The following B4GALT5 variants were observed in gnomAD, a reference collection of about 807,000 sequenced individuals.
The protein encoded by B4GALT5 is UDP-Gal:beta-GlcNAc beta-1,4-galactosyltransferase 5.
B4GALT5 carries 11 observed loss-of-function variants against 45.0 expected under a neutral mutation model. The observed-to-expected ratio is 0.24, with a 90% CI of 0.15 to 0.40. B4GALT5 has a LOEUF of 0.40. B4GALT5 is among the 10% of genes least tolerant of loss of function. The probability of loss-of-function intolerance (pLI) is 1.00; values close to 1 mark genes in which losing one functional copy is unlikely to be tolerated. For missense variants in B4GALT5, 337 were observed against 500.2 expected (o/e 0.67, Z 3.11); for synonymous variants, 185 against 182.9 (o/e 1.01, Z -0.09).
At chr20:49,706,657 G>A (rs1168527729) in intron 1 of B4GALT5, among the ~76,000 whole-genome samples, 2 of 152,156 alleles carry the variant, frequency 1.3e-5, no homozygotes, top group African/African-American at 4.8e-5. Context: ...ACTAGAAAGT[G>A]AAGAACAACT....
In B4GALT5 at chr20:49,637,332, TCCA is replaced by T; in HGVS notation, c.1019+6_1019+8del. On this transcript the variant is annotated splice_donor_region_variant and intron_variant, in intron 8 of 8. Coordinates refer to ENST00000371711, the MANE Select transcript of B4GALT5 (RefSeq NM_004776.4). ...ATACTTCTAAGAGACAGAGATAAAT[TCCA>T]CCAACCTTCCAAGAAACTGGACTTC... 6.2e-7 allele frequency: 1 copy of T among 1,607,790 alleles called. No individual in the cohort carries two copies. Among genetic ancestry groups the T allele is most frequent in the Non-Finnish European group, 8.5e-7 (1 of 1,174,234 alleles).
chr20:49,686,933 T>G (rs1246139087), intron 1 of B4GALT5, among the ~76,000 whole-genome samples: 1 of 152,062 alleles, frequency 6.6e-6, no homozygotes, highest in Non-Finnish European at 1.5e-5. Flanking sequence ...AGCTGGCATA[T>G]AGTCCAATGG....
intron 1 of B4GALT5, among the ~76,000 whole-genome samples, chr20:49,705,194 T>C (rs2085878964): frequency 1.3e-5 from 2 of 152,002 alleles, no homozygotes; most frequent in South Asian, 4.1e-4. Flanking sequence ...ACCTAGAGGA[T>C]TGAGGTAATG....
chr20:49,686,596 A>G (rs1173398906), intron 1 of B4GALT5, among the ~76,000 whole-genome samples: 2 of 152,076 alleles, frequency 1.3e-5, no homozygotes, highest in Non-Finnish European at 2.9e-5. Flanking sequence ...TCAGTAAAAA[A>G]TGAAGCTGGG....
chr20:49,665,584 C>A (rs1329232966), intron 1 of B4GALT5, among the ~76,000 whole-genome samples: 1 of 151,110 alleles, frequency 6.6e-6, no homozygotes, highest in Non-Finnish European at 1.5e-5. Flanking sequence ...GTAATTCAGA[C>A]ATACATTCAT....
intron 1 of B4GALT5, among the ~76,000 whole-genome samples, chr20:49,676,534 A>G (rs1278405108): frequency 6.6e-6 from 1 of 152,244 alleles, no homozygotes; most frequent in African/African-American, 2.4e-5. Flanking sequence ...ATTAAAAATA[A>G]AGAGAGGTAT....
intron 2 of B4GALT5, among the ~76,000 whole-genome samples, chr20:49,653,775 T>C (rs1568719207): frequency 6.6e-6 from 1 of 152,216 alleles, no homozygotes; most frequent in African/African-American, 2.4e-5. Flanking sequence ...AAAAAATAGA[T>C]TGTTCTAACC....
At chr20:49,686,060 TATTAAC>T (rs1238996617) in intron 1 of B4GALT5, among the ~76,000 whole-genome samples, 1 of 152,192 alleles carries the variant, frequency 6.6e-6, no homozygotes, top group East Asian at 1.9e-4. Context: ...AGCCATGCAT[TATTAAC>T]AAGACATTTG....
At chr20:49,684,328 T>A (rs934426477) in intron 1 of B4GALT5, among the ~76,000 whole-genome samples, 17 of 152,032 alleles carry the variant, frequency 1.1e-4, no homozygotes, top group African/African-American at 3.9e-4. Context: ...TTTGGGAGGC[T>A]GAGGCAGGCG....
Position 49,633,162 on chromosome 20 carries a change from C to T in B4GALT5, c.*3150G>A, listed in dbSNP as rs755231414. 7.9e-5 allele frequency: 12 copies of T among 152,650 alleles called. No individual in the cohort carries two copies. The highest frequency in any genetic ancestry group is 1.6e-4 in the Non-Finnish European group (11 of 68,050). 9.5% of individuals were successfully genotyped at this position (152,650 alleles called of 1,614,324 possible). On this transcript the variant is annotated 3_prime_UTR_variant, in exon 9 of 9. Transcript: ENST00000371711. ...ACACGTAGTGATGGAAATAAGCTAGCTACGCTCAATGCCATCGTCAATGGT... is the reference window on the plus strand; with the variant it reads ...ACACGTAGTGATGGAAATAAGCTAGTTACGCTCAATGCCATCGTCAATGGT...
At chr20:49,657,049 T>C (rs1272664166) in intron 1 of B4GALT5, among the ~76,000 whole-genome samples, 1 of 152,314 alleles carries the variant, frequency 6.6e-6, no homozygotes. Context: ...ACTTTTTTTT[T>C]TTAAAGGTTT....
Position 49,643,583 on chromosome 20 carries a change from G to A in B4GALT5, c.432C>T (p.Asp144=), listed in dbSNP as rs776281104. 3.1e-6 allele frequency: 5 copies of A among 1,614,026 alleles called. No homozygotes were observed. In the South Asian group the frequency reaches 5.5e-5, roughly 18 times the overall value. ...AGTGACCTCCGAGCTTGATGGTTGGGTCTTTGGAGAAGAGTTCATGAATGT... is the reference window on the plus strand; with the variant it reads ...AGTGACCTCCGAGCTTGATGGTTGGATCTTTGGAGAAGAGTTCATGAATGT... ...MDYIHELFSK[D]PTIKLGGHWK... Residue 144 remains aspartate (D), a synonymous_variant, in exon 4 of 9, where the codon GAC becomes GAT. Transcript: ENST00000371711.
intron 1 of B4GALT5, among the ~76,000 whole-genome samples, chr20:49,662,677 TC>T (rs1187229411): frequency 1.3e-5 from 2 of 152,200 alleles, no homozygotes; most frequent in African/African-American, 2.4e-5. Flanking sequence ...GCTCAGTCAT[TC>T]CTTTCCACCA....
chr20:49,656,781 T>C, intron 1 of B4GALT5, 79 bp from the exon 2 acceptor site: 1 of 1,571,864 alleles, frequency 6.4e-7, no homozygotes, highest in Non-Finnish European at 8.6e-7. Context: ...GCTATGGATT[T>C]TTTTTTCTTT....
intron 7 of B4GALT5, among the ~76,000 whole-genome samples, chr20:49,638,460 A>G: frequency 6.6e-6 from 1 of 152,254 alleles, no homozygotes; most frequent in East Asian, 1.9e-4. Context: ...CTTACTCCAT[A>G]AAAATATTAC....
At chr20:49,692,375 G>A (rs2085817313) in intron 1 of B4GALT5, among the ~76,000 whole-genome samples, 1 of 152,018 alleles carries the variant, frequency 6.6e-6, no homozygotes, top group Non-Finnish European at 1.5e-5. Flanking sequence ...GCTGAGGCAG[G>A]AGGATCACCT....
chr20:49,650,493 C>T (rs1006704111), intron 2 of B4GALT5, among the ~76,000 whole-genome samples: 2 of 149,796 alleles, frequency 1.3e-5, no homozygotes, highest in Non-Finnish European at 3.0e-5. Context: ...AAAAATTAGC[C>T]GGGCATGGTG....
chr20:49,712,233 T>C (rs2085916022), intron 1 of B4GALT5, among the ~76,000 whole-genome samples: 1 of 152,224 alleles, frequency 6.6e-6, no homozygotes, highest in Admixed American at 6.5e-5. Context: ...TTAAAGAACA[T>C]GTATCTACTT....
rs183332907 is a variant in B4GALT5 at position 49,638,596 on chromosome 20, T to C, written c.917+1082A>G. On this transcript the variant is annotated intron_variant, in intron 7 of 8. Transcript: ENST00000371711. ...ACCCTTCAGTTTGGAGTGGTTCCAA[T>C]GAAATGGGCATTTAGTACAGAGAAC... is the stretch of plus-strand genomic sequence containing the variant. Among the ~76,000 whole-genome samples the C allele has an allele frequency of 2.6e-3, 393 of 152,292 alleles. 1 individual carries two copies. The highest frequency in any genetic ancestry group is 9.1e-3 in the African/African-American group (377 of 41,552).
Sources: gnomAD v4.1 joint callset for allele counts (sites outside exome capture counted in the v4.1 genomes callset) on GRCh38, gnomAD v4.1.1 for gene constraint, MANE v1.5 for transcripts, NCBI Gene and HGNC (gene_info 2026-07-23, HGNC 2026-07-21) for gene names.